The following SETD4 variants were observed in gnomAD, a reference collection of about 807,000 sequenced individuals.
SETD4 encodes the protein SET domain-containing protein 4.
SETD4 carries 46 observed loss-of-function variants against 58.3 expected under a neutral mutation model. The ratio of observed to expected loss-of-function variants is 0.79; its 90% confidence interval spans 0.62 to 1.01. SETD4 has a LOEUF of 1.01. Ranked by LOEUF, SETD4 falls within the 50% of genes least tolerant of loss-of-function variation. The pLI is 0.00. For synonymous variants in SETD4, 190 were observed against 202.6 expected, an observed-to-expected ratio of 0.94 and a Z score of 0.53; for missense variants, 490 against 523.3, an observed-to-expected ratio of 0.94 and a Z score of 0.62.
chr21:36,051,077 T>A, intron 4 of SETD4: 15 of 1,435,098 alleles, frequency 1.0e-5, no homozygotes, highest in Non-Finnish European at 1.5e-5. Flanking sequence ...TCATCGTCTT[T>A]CATAAGGCTT....
At chr21:36,036,805 A>C (rs1421561777) in intron 10 of SETD4, 1 of 187,970 alleles carries the variant, frequency 5.3e-6, no homozygotes, top group African/African-American at 2.4e-5. Context: ...CAGATGAATA[A>C]AGAAAAAGTG....
At chr21:36,048,073 G>A (rs187042782) in intron 5 of SETD4, among the ~76,000 whole-genome samples, 215 of 112,066 alleles carry the variant, frequency 1.9e-3, no homozygotes, top group Non-Finnish European at 3.2e-3. Flanking sequence ...GGGAGGGAGG[G>A]AAGGAGGGAA....
At chr21:36,051,407 T>G in intron 4 of SETD4, 1 of 1,465,046 alleles carries the variant, frequency 6.8e-7, no homozygotes, top group Non-Finnish European at 9.1e-7. Flanking sequence ...ACAAAACCCT[T>G]GTAAAACTTT....
In SETD4 at chr21:36,048,336, G is replaced by C. The variant is rs540481956; in HGVS notation, c.268C>G (p.Arg90Gly). ...SCLLTTDTVI[R>G]SYLGAYITKW... is the part of the protein sequence containing the mutation. ...GTAATGTATGCCCCTAAGTAGCTTC[G>C]AATCACTGTGTCCGTGGTGAGCAGG... The change falls in exon 5 of 12, where the codon CGA becomes GGA. Residue 90 changes from arginine to glycine, a missense_variant. Physicochemically the swap from Arg to Gly is moderately radical, Grantham distance 125 (BLOSUM62 -2). Coordinates refer to ENST00000332131, the MANE Select transcript of SETD4 (RefSeq NM_017438.5). The C allele has an allele frequency of 2.0e-5, 33 of 1,614,002 alleles. No homozygotes were observed. The highest frequency in any genetic ancestry group is 1.1e-4 in the East Asian group (5 of 44,868).
At chr21:36,051,142 C>A in intron 4 of SETD4, 1 of 1,508,438 alleles carries the variant, frequency 6.6e-7, no homozygotes, top group South Asian at 1.1e-5. Context: ...CTTCTACCCT[C>A]TGGCCAGCTC....
chr21:36,049,527 C>T (rs1043405198), intron 4 of SETD4, among the ~76,000 whole-genome samples: 2 of 152,138 alleles, frequency 1.3e-5, no homozygotes, highest in South Asian at 2.1e-4. Flanking sequence ...TGTACTCTAG[C>T]CTGGGCGACA....
At position 36,038,977 on chromosome 21, in the gene SETD4, A is replaced by G. The variant is rs180888365; in HGVS notation, c.1065-704T>C. Among the ~76,000 whole-genome samples the G allele has an allele frequency of 2.6e-5, 4 of 152,178 alleles. No individual in the cohort carries two copies. The East Asian group carries it at 7.7e-4, about 29-fold the overall frequency. ...ACGGAGGACCGGATTCTGAACACCG[A>G]GAATCTGGAAGTGGAAGTGGCTTCG... is the stretch of plus-strand genomic sequence containing the variant. On this transcript the variant is annotated intron_variant, in intron 9 of 11. Coordinates refer to ENST00000332131, the MANE Select transcript of SETD4 (RefSeq NM_017438.5).
intron 7 of SETD4, chr21:36,042,533 G>C (rs1455757731): frequency 6.6e-6 from 1 of 152,066 alleles, no homozygotes; most frequent in East Asian, 1.9e-4. Flanking sequence ...GCAAGACCCA[G>C]TTTTTGCTTT....
Position 36,045,710 on chromosome 21 carries a change from C to G in SETD4, c.598G>C (p.Ala200Pro). ...GCTCTGGTGTTGACGGTGCACCAAG[C>G]CCACAGCAGGGCACTGTAGCTGAAG... ...SIFSYSALLW[A>P]WCTVNTRAVY... Residue 200 changes from alanine to proline, a missense_variant, in exon 6 of 12, where the codon GCT becomes CCT. By Grantham distance (27) the Ala-to-Pro change is conservative. Transcript: ENST00000332131. 6.2e-7 allele frequency: 1 copy of G among 1,614,178 alleles called. No homozygotes were observed. The highest frequency in any genetic ancestry group is 8.5e-7 in the Non-Finnish European group (1 of 1,180,026).
chr21:36,058,049 T>G (rs925481219), intron 2 of SETD4, among the ~76,000 whole-genome samples: 1 of 152,202 alleles, frequency 6.6e-6, no homozygotes, highest in African/African-American at 2.4e-5. Flanking sequence ...ATCCAAACAT[T>G]GATATCCTAC....
intron 9 of SETD4, among the ~76,000 whole-genome samples, chr21:36,040,364 C>A (rs528442451): frequency 6.6e-6 from 1 of 152,198 alleles, no homozygotes; most frequent in Non-Finnish European, 1.5e-5. Context: ...TATGCTGAGT[C>A]TAAAACCAGA....
chr21:36,058,787 C>G (rs1396249614), intron 2 of SETD4, 29 bp downstream of exon 2: 6 of 1,564,782 alleles, frequency 3.8e-6, no homozygotes, highest in Non-Finnish European at 4.3e-6. Context: ...TTTCTTTTTT[C>G]ATTACTGGTA....
intron 4 of SETD4, among the ~76,000 whole-genome samples, chr21:36,052,272 C>T (rs1292448703): frequency 2.0e-5 from 3 of 151,702 alleles, no homozygotes; most frequent in Non-Finnish European, 4.4e-5. Context: ...TTGGGCCAGG[C>T]ATAGTGCCTC....
At chr21:36,055,640 G>C (rs567281709) in intron 3 of SETD4, among the ~76,000 whole-genome samples, 8 of 152,278 alleles carry the variant, frequency 5.3e-5, no homozygotes, top group Admixed American at 4.6e-4. Context: ...CACTGATTAA[G>C]AGCTAAAAAC....
In SETD4 at chr21:36,037,228, C is replaced by T. The variant is rs145001974; in HGVS notation, c.1188+922G>A. 3.5e-4 allele frequency among the ~76,000 whole-genome samples: 54 copies of T among 152,288 alleles called. 2 individuals carry two copies. In the East Asian group the frequency reaches 0.01, roughly 28 times the overall value. On this transcript the variant is annotated intron_variant, in intron 10 of 11. Coordinates refer to ENST00000332131, the MANE Select transcript of SETD4 (RefSeq NM_017438.5). ...ATGTGATCATGCATATGTTAAATAG[C>T]TTGATTTAGCCATCCACGATGTATA... is the stretch of plus-strand genomic sequence containing the variant.
intron 5 of SETD4, among the ~76,000 whole-genome samples, 199 bp downstream of exon 5, chr21:36,048,105 AAGGC>A (rs375449897): frequency 0.044 from 6,355 of 145,382 alleles, 238 homozygotes; most frequent in African/African-American, 0.1. Flanking sequence ...GGGAGGGAGG[AAGGC>A]AGGCAGGCAG....
rs754773956 is a variant in SETD4, at chr21:36,048,404, A to G, written c.208-8T>C. 6.2e-7 allele frequency: 1 copy of G among 1,613,698 alleles called. No individual in the cohort carries two copies. The highest frequency in any genetic ancestry group is 8.5e-7 in the Non-Finnish European group (1 of 1,179,640). On this transcript the variant is annotated splice_region_variant and splice_polypyrimidine_tract_variant and intron_variant, in intron 4 of 11. Coordinates refer to ENST00000332131, the MANE Select transcript of SETD4 (RefSeq NM_017438.5). ...AATAATCATCTGTCCCTCCTGGCCA[A>G]AAGGAAAGTAAAGTTGAGGACGCCT...
chr21:36,040,700 T>C, intron 8 of SETD4, 45 bp from the exon 9 acceptor site: 1 of 1,534,290 alleles, frequency 6.5e-7, no homozygotes, highest in South Asian at 1.1e-5. Flanking sequence ...ATTTCAGTAT[T>C]TCATGACCTC....
chr21:36,041,702 G>T, intron 8 of SETD4, 105 bp downstream of exon 8: 1 of 724,186 alleles, frequency 1.4e-6, no homozygotes, highest in Non-Finnish European at 2.3e-6. Flanking sequence ...CCCGTCAGCT[G>T]ATACAGGGTC....
Sources: gnomAD v4.1 joint callset for allele counts (sites outside exome capture counted in the v4.1 genomes callset) on GRCh38, gnomAD v4.1.1 for gene constraint, MANE v1.5 for transcripts, NCBI Gene and HGNC (gene_info 2026-07-23, HGNC 2026-07-21) for gene names.